NEBL: variants seen among roughly 807,000 people sequenced by gnomAD.
NEBL encodes the protein LIM and SH3 protein 2.
In NEBL, 122 loss-of-function variants were observed where a neutral mutation model predicts 140.2. The observed-to-expected ratio is 0.87, with a 90% CI of 0.75 to 1.01. The LOEUF (loss-of-function observed/expected upper bound fraction) is 1.01. NEBL is among the 50% of genes least tolerant of loss of function. The pLI, the probability that NEBL is intolerant of heterozygous loss-of-function variation, is 0.00. For synonymous variants in NEBL, 436 were observed against 398.9 expected, an observed-to-expected ratio of 1.09 and a Z score of -1.11; for missense variants, 1,365 against 1,231.3, an observed-to-expected ratio of 1.11 and a Z score of -1.62.
chr10:21,216,931 T>C (rs1842000645), intron 3 of NEBL, among the ~76,000 whole-genome samples: 2 of 151,830 alleles, frequency 1.3e-5, no homozygotes, highest in South Asian at 2.1e-4. Flanking sequence ...GAGGTTGCAG[T>C]GAGCCAAGAT....
intron 3 of NEBL, among the ~76,000 whole-genome samples, chr10:20,999,649 T>A (rs1014565324): frequency 5.9e-5 from 9 of 151,896 alleles, no homozygotes; most frequent in African/African-American, 2.2e-4. Flanking sequence ...TGATTCTATA[T>A]CCAGGATCTA....
intron 16 of NEBL, 116 bp downstream of exon 16, chr10:20,831,080 G>C (rs1588714996): frequency 1.3e-6 from 1 of 792,506 alleles, no homozygotes; most frequent in East Asian, 2.6e-5. Flanking sequence ...TAGTGAAAGA[G>C]TACACTAGCT....
intron 2 of NEBL, among the ~76,000 whole-genome samples, chr10:21,068,204 T>C (rs539598257): frequency 7.2e-5 from 11 of 152,310 alleles, no homozygotes; most frequent in Admixed American, 6.5e-4. Flanking sequence ...GTTGAACACT[T>C]TTATAAAGTT....
Position 21,200,407 on chromosome 10 carries a change from G to A in NEBL, n.349-27930C>T, listed in dbSNP as rs534306427. Among the ~76,000 whole-genome samples, 20 of 135,948 alleles carry A rather than the reference G, an allele frequency of 1.5e-4. No homozygotes were observed. In the East Asian group the frequency reaches 2.8e-3, roughly 19 times the overall value. 89.2% of individuals were successfully genotyped at this position (135,948 alleles called of 152,430 possible). A position where few individuals can be genotyped will look rare whatever the true frequency, so the allele number is the denominator to read the frequency against. ...CGGCTCACTGCAAGCTCCACCTCCT[G>A]GGTTCAAGCAATTCTCCTGTCTCAG... On this transcript the variant is annotated intron_variant and non_coding_transcript_variant, in intron 3 of 8. Coordinates refer to the NEBL transcript ENST00000675702.
At chr10:21,229,839 T>C (rs1842220917) in intron 3 of NEBL, among the ~76,000 whole-genome samples, 1 of 152,224 alleles carries the variant, frequency 6.6e-6, no homozygotes, top group Admixed American at 6.5e-5. Context: ...GTCTGGCGTG[T>C]AGTGAACTGA....
intron 2 of NEBL, among the ~76,000 whole-genome samples, chr10:21,064,713 T>C (rs1452643270): frequency 6.6e-6 from 1 of 152,154 alleles, no homozygotes; most frequent in Non-Finnish European, 1.5e-5. Flanking sequence ...AATGAAACAA[T>C]TAACTGTAGA....
At chr10:20,827,613 A>G (rs1408381070) in intron 17 of NEBL, among the ~76,000 whole-genome samples, 1 of 152,244 alleles carries the variant, frequency 6.6e-6, no homozygotes, top group East Asian at 1.9e-4. Flanking sequence ...TAATGGACTC[A>G]GCCTCTTAAT....
intron 2 of NEBL, among the ~76,000 whole-genome samples, chr10:21,113,971 C>G (rs1282029692): frequency 1.3e-5 from 2 of 151,920 alleles, no homozygotes; most frequent in Admixed American, 1.3e-4. Context: ...ACTTGCTCTT[C>G]TTTTTCTAGT....
chr10:20,917,765 T>C (rs923041499), intron 4 of NEBL, among the ~76,000 whole-genome samples: 2 of 152,226 alleles, frequency 1.3e-5, no homozygotes, highest in Non-Finnish European at 2.9e-5. Flanking sequence ...GGTGACCTTG[T>C]CCATAATTGT....
rs570959288 is a variant in NEBL, at chr10:20,794,545, G to A, written c.2762-7237C>T. Among the ~76,000 whole-genome samples, 3 of 152,080 alleles carry A rather than the reference G, an allele frequency of 2.0e-5. No individual in the cohort carries two copies. The East Asian group carries it at 5.8e-4, about 29-fold the overall frequency. The stretch of plus-strand genomic sequence containing the variant: ...ATACCATAAATGTATCCTTTTAATC[G>A]TTAAGTGTACAGTTGTTTGACATTA... On this transcript the variant is annotated intron_variant, in intron 26 of 27. Coordinates refer to ENST00000377122, the MANE Select transcript of NEBL (RefSeq NM_006393.3).
chr10:21,075,581 G>A (rs948135621), intron 2 of NEBL, among the ~76,000 whole-genome samples: 1 of 152,152 alleles, frequency 6.6e-6, no homozygotes, highest in Non-Finnish European at 1.5e-5. Flanking sequence ...GCACGATGCA[G>A]TTGCCCAAAA....
chr10:21,229,498 AGTCATTTC>A (rs1375665159), intron 3 of NEBL, among the ~76,000 whole-genome samples: 2 of 152,242 alleles, frequency 1.3e-5, no homozygotes, highest in African/African-American at 4.8e-5. Context: ...AGCATGAATT[AGTCATTTC>A]TCTGAATCTC....
chr10:21,050,301 A>G (rs923564895), intron 2 of NEBL, among the ~76,000 whole-genome samples: 3 of 152,088 alleles, frequency 2.0e-5, no homozygotes, highest in Non-Finnish European at 2.9e-5. Context: ...CCTTTTCTCA[A>G]TTCGGTAATC....
chr10:20,894,927 TAAA>T (rs56137796), intron 2 of NEBL, among the ~76,000 whole-genome samples: 110 of 79,890 alleles, frequency 1.4e-3, no homozygotes, highest in African/African-American at 4.6e-3. Context: ...AGACTCTGTC[TAAA>T]AAAAAAAAAA....
At chr10:20,939,003 G>A (rs1834678045) in intron 4 of NEBL, among the ~76,000 whole-genome samples, 1 of 152,142 alleles carries the variant, frequency 6.6e-6, no homozygotes, top group Non-Finnish European at 1.5e-5. Flanking sequence ...AACCAAGTTG[G>A]AAAACACTCT....
intron 26 of NEBL, chr10:20,804,477 T>G (rs1837426442): frequency 6.6e-6 from 1 of 152,192 alleles, no homozygotes; most frequent in Non-Finnish European, 1.5e-5. Flanking sequence ...GTAACATGAT[T>G]TATTTCAACA....
chr10:20,983,551 A>G (rs1837137167), intron 3 of NEBL, among the ~76,000 whole-genome samples: 1 of 152,240 alleles, frequency 6.6e-6, no homozygotes, highest in Non-Finnish European at 1.5e-5. Context: ...TTGTTATCAA[A>G]TTGCAAATCG....
intron 18 of NEBL, among the ~76,000 whole-genome samples, chr10:20,825,740 G>A (rs1340612749): frequency 6.6e-6 from 1 of 151,838 alleles, no homozygotes; most frequent in Non-Finnish European, 1.5e-5. Flanking sequence ...ATTATCCACA[G>A]CAAATGTCAA....
chr10:20,868,237 T>C, intron 7 of NEBL: 1 of 155,518 alleles, frequency 6.4e-6, no homozygotes, highest in Non-Finnish European at 1.4e-5. Flanking sequence ...TTCATCTCCC[T>C]TTTTAAATTT....
Sources: gnomAD v4.1 joint callset for allele counts (sites outside exome capture counted in the v4.1 genomes callset) on GRCh38, gnomAD v4.1.1 for gene constraint, MANE v1.5 for transcripts, NCBI Gene and HGNC (gene_info 2026-07-23, HGNC 2026-07-21) for gene names.